The following LINGO2 variants were observed in gnomAD, a reference collection of about 807,000 sequenced individuals.
LINGO2 encodes leucine-rich repeat and immunoglobulin-like domain-containing nogo receptor-interacting protein 2.
In LINGO2, 14 loss-of-function variants were observed where a neutral mutation model predicts 30.6. The observed-to-expected ratio is 0.46, with a 90% CI of 0.30 to 0.72. The LOEUF (loss-of-function observed/expected upper bound fraction) is 0.72, where lower values mean the gene tolerates loss of function less well. Among genes scored for constraint, LINGO2 ranks in the 30% least tolerant of loss-of-function variants. The pLI is 0.07. For synonymous variants in LINGO2, 317 were observed against 288.5 expected (o/e 1.10, Z -1.00); for missense variants, 729 against 751.7 (o/e 0.97, Z 0.35).
At chr9:29,099,442 T>C in the LINGO2 span, among the ~76,000 whole-genome samples, 3 of 152,076 alleles carry the variant, frequency 2.0e-5, no homozygotes, top group Non-Finnish European at 2.9e-5. Flanking sequence ...GTAGTGAAGA[T>C]ACAACCCATA....
chr9:28,228,103 T>A (rs1405023140), intron 4 of LINGO2, among the ~76,000 whole-genome samples: 4 of 152,006 alleles, frequency 2.6e-5, no homozygotes, highest in African/African-American at 4.8e-5. Context: ...GAGCAACATA[T>A]TGGCTTTGAA....
the LINGO2 span, among the ~76,000 whole-genome samples, chr9:28,923,935 G>A: frequency 6.6e-6 from 1 of 151,216 alleles, no homozygotes; most frequent in Non-Finnish European, 1.5e-5. Flanking sequence ...CTGATTTGGG[G>A]GAAAAGAGGT....
chr9:28,878,164 C>T, the LINGO2 span, among the ~76,000 whole-genome samples: 4 of 152,166 alleles, frequency 2.6e-5, no homozygotes, highest in East Asian at 3.9e-4. Context: ...ATATCACCAC[C>T]AATCCCACAG....
chr9:28,728,883 G>A, the LINGO2 span, among the ~76,000 whole-genome samples: 1 of 152,138 alleles, frequency 6.6e-6, no homozygotes. Flanking sequence ...TGGACGCTGA[G>A]AAACCTAAGA....
Position 28,010,069 on chromosome 9 carries a change from A to G in LINGO2, c.-36+2286T>C, listed in dbSNP as rs146208509. Among the ~76,000 whole-genome samples the G allele has an allele frequency of 4.9e-3, 746 of 152,310 alleles. 10 individuals are homozygous for G. The highest frequency in any genetic ancestry group is 0.017 in the African/African-American group (714 of 41,548). On this transcript the variant is annotated intron_variant, in intron 5 of 5. Transcript: ENST00000379992. ...AAAAGGGAATGAAGTACTGATTAAC[A>G]TGCTACAATCGGGATGAATCTTGAT...
chr9:28,376,259 AAGAAGAGAAG>A (rs143601464), intron 2 of LINGO2, among the ~76,000 whole-genome samples: 55 of 148,488 alleles, frequency 3.7e-4, no homozygotes, highest in Non-Finnish European at 6.3e-4. Flanking sequence ...AGGAGAAGAG[AAGAAGAGAAG>A]AGAAGAGAAG....
At chr9:28,181,255 A>G (rs1357573841) in intron 4 of LINGO2, among the ~76,000 whole-genome samples, 34 of 152,188 alleles carry the variant, frequency 2.2e-4, no homozygotes, top group Non-Finnish European at 2.9e-5. Flanking sequence ...AGGCACCTAC[A>G]TTGCCAATAG....
At chr9:28,894,434 T>G in the LINGO2 span, among the ~76,000 whole-genome samples, 1 of 152,130 alleles carries the variant, frequency 6.6e-6, no homozygotes, top group Non-Finnish European at 1.5e-5. Context: ...TAGTCATTTT[T>G]AAAGCTTATA....
chr9:28,792,963 G>A, the LINGO2 span, among the ~76,000 whole-genome samples: 1 of 152,080 alleles, frequency 6.6e-6, no homozygotes, highest in East Asian at 1.9e-4. Flanking sequence ...CAATGGAATT[G>A]TACATGTGGG....
the LINGO2 span, among the ~76,000 whole-genome samples, chr9:29,099,707 T>A: frequency 6.6e-6 from 1 of 151,998 alleles, no homozygotes; most frequent in Non-Finnish European, 1.5e-5. Flanking sequence ...GTTAATATGG[T>A]TTATATCCAA....
intron 1 of LINGO2, among the ~76,000 whole-genome samples, chr9:28,503,609 T>C (rs1465194411): frequency 6.6e-6 from 1 of 152,028 alleles, no homozygotes; most frequent in African/African-American, 2.4e-5. Context: ...CAGTTTTCCA[T>C]AGAGTAAAAC....
At chr9:29,169,535 A>C in the LINGO2 span, among the ~76,000 whole-genome samples, 1 of 152,198 alleles carries the variant, frequency 6.6e-6, no homozygotes, top group Non-Finnish European at 1.5e-5. Flanking sequence ...AAAAATACTT[A>C]ATATCACTAA....
At chr9:28,814,470 C>A in the LINGO2 span, among the ~76,000 whole-genome samples, 5 of 152,128 alleles carry the variant, frequency 3.3e-5, no homozygotes, top group African/African-American at 1.2e-4. Flanking sequence ...ACTTCTGATG[C>A]CATGTCTCTT....
At chr9:29,175,101 A>C in the LINGO2 span, among the ~76,000 whole-genome samples, 55 of 152,280 alleles carry the variant, frequency 3.6e-4, 1 homozygote, top group East Asian at 0.01. Context: ...TTTACTAAAA[A>C]TACAAAAACT....
chr9:27,995,586 G>C (rs563485689), intron 5 of LINGO2, among the ~76,000 whole-genome samples: 47 of 152,210 alleles, frequency 3.1e-4, no homozygotes, highest in African/African-American at 1.1e-3. Flanking sequence ...CACATTAGTA[G>C]AATCAAGGAC....
intron 1 of LINGO2, among the ~76,000 whole-genome samples, chr9:28,520,465 C>A (rs1820787356): frequency 6.6e-6 from 1 of 152,096 alleles, no homozygotes; most frequent in Non-Finnish European, 1.5e-5. Context: ...AAAAAAATCT[C>A]ATTACTCTAT....
intron 1 of LINGO2, among the ~76,000 whole-genome samples, chr9:28,597,166 C>T (rs1427977949): frequency 1.3e-5 from 2 of 152,162 alleles, no homozygotes; most frequent in East Asian, 1.9e-4. Context: ...AAAGGGTGTG[C>T]CTGGGGACCA....
the LINGO2 span, among the ~76,000 whole-genome samples, chr9:28,722,953 A>G: frequency 2.0e-5 from 3 of 152,068 alleles, no homozygotes; most frequent in Non-Finnish European, 4.4e-5. Context: ...CCTGTGGTTC[A>G]CCATAGCTGA....
At chr9:28,941,027 A>G in the LINGO2 span, among the ~76,000 whole-genome samples, 1 of 152,044 alleles carries the variant, frequency 6.6e-6, no homozygotes, top group African/African-American at 2.4e-5. Flanking sequence ...AAAAAAAATA[A>G]AAGAGAAAGG....
Sources: gnomAD v4.1 joint callset for allele counts (sites outside exome capture counted in the v4.1 genomes callset) on GRCh38, gnomAD v4.1.1 for gene constraint, MANE v1.5 for transcripts, NCBI Gene and HGNC (gene_info 2026-07-23, HGNC 2026-07-21) for gene names.